The following DPYD variants were observed in gnomAD, a reference collection of about 807,000 sequenced individuals.
DPYD encodes dihydropyrimidine dehydrogenase [NADP(+)].
DPYD carries 109 observed loss-of-function variants against 116.2 expected under a neutral mutation model. The ratio of observed to expected loss-of-function variants is 0.94; its 90% confidence interval spans 0.80 to 1.10. The LOEUF is 1.10. DPYD is among the 50% of genes least tolerant of loss of function. The pLI is 0.00. For missense variants in DPYD, 1,302 were observed against 1,254.5 expected, an observed-to-expected ratio of 1.04 and a Z score of -0.57; for synonymous variants, 440 against 432.0, an observed-to-expected ratio of 1.02 and a Z score of -0.23.
intron 2 of DPYD, chr1:97,856,142 T>TA (rs1487952319): frequency 6.6e-6 from 1 of 152,190 alleles, no homozygotes; most frequent in Non-Finnish European, 1.5e-5. Context: ...GAGGTCATAT[T>TA]AAAAGTCTGC....
chr1:97,891,204 T>C (rs1672754997), intron 1 of DPYD, among the ~76,000 whole-genome samples: 1 of 151,904 alleles, frequency 6.6e-6, no homozygotes, highest in Non-Finnish European at 1.5e-5. Flanking sequence ...AGTTCTAAAT[T>C]GCATTTTTCC....
At chr1:97,160,306 A>G (rs923184284) in intron 20 of DPYD, among the ~76,000 whole-genome samples, 19 of 151,146 alleles carry the variant, frequency 1.3e-4, no homozygotes, top group Non-Finnish European at 2.4e-4. Flanking sequence ...TTTCAGTAGA[A>G]TGGGAAGCTA....
intron 12 of DPYD, among the ~76,000 whole-genome samples, chr1:97,537,761 G>T (rs1266477959): frequency 1.3e-5 from 2 of 152,178 alleles, no homozygotes; most frequent in African/African-American, 4.8e-5. Flanking sequence ...TGAAATTAAT[G>T]TCATGATTAA....
chr1:97,134,012 AAAATATAT>A (rs1298230991), intron 20 of DPYD, among the ~76,000 whole-genome samples: 15 of 48,802 alleles, frequency 3.1e-4, no homozygotes, highest in Non-Finnish European at 3.5e-4. Flanking sequence ...AAAAAAAAAA[AAAATATAT>A]ATATATATAT....
intron 12 of DPYD, chr1:97,546,601 C>T: frequency 6.2e-7 from 1 of 1,610,824 alleles, no homozygotes; most frequent in African/African-American, 1.3e-5. Flanking sequence ...TGTGTATAGC[C>T]TTTACTTTCC....
At chr1:97,721,202 T>C (rs375239866) in intron 5 of DPYD, among the ~76,000 whole-genome samples, 1 of 151,756 alleles carries the variant, frequency 6.6e-6, no homozygotes, top group South Asian at 2.1e-4. Flanking sequence ...TAAGAGGGTC[T>C]CCTTGCCATA....
intron 20 of DPYD, among the ~76,000 whole-genome samples, chr1:97,191,656 A>G (rs899715141): frequency 6.6e-6 from 1 of 152,178 alleles, no homozygotes; most frequent in East Asian, 1.9e-4. Flanking sequence ...AAGACAAAAC[A>G]TGACAGTGCA....
In DPYD at chr1:97,515,960, T is replaced by C. The variant is rs758883884; in HGVS notation, c.1525-19A>G. On this transcript the variant is annotated intron_variant, in intron 12 of 22. Transcript: ENST00000370192. ...ATTGTGACTGCAAAATACAAACCAA[T>C]ACTTGGTTTCATATTACATCTAAAT... 1 of 1,598,610 alleles carries C rather than the reference T, an allele frequency of 6.3e-7. No individual in the cohort carries two copies. Among genetic ancestry groups the C allele is most frequent in the Non-Finnish European group, 8.6e-7 (1 of 1,166,908 alleles).
At chr1:97,182,343 T>C (rs1395424132) in intron 20 of DPYD, among the ~76,000 whole-genome samples, 1 of 152,152 alleles carries the variant, frequency 6.6e-6, no homozygotes, top group Non-Finnish European at 1.5e-5. Flanking sequence ...CTTCATAACA[T>C]TTATGCAGTA....
intron 14 of DPYD, among the ~76,000 whole-genome samples, chr1:97,402,148 T>C (rs1673411452): frequency 6.6e-6 from 1 of 152,130 alleles, no homozygotes; most frequent in Non-Finnish European, 1.5e-5. Context: ...AGTTTGTTAA[T>C]GCCCACAACA....
intron 1 of DPYD, among the ~76,000 whole-genome samples, chr1:97,903,734 C>T (rs1213442967): frequency 6.6e-6 from 1 of 151,778 alleles, no homozygotes; most frequent in East Asian, 1.9e-4. Flanking sequence ...ACTAAGAAAT[C>T]CAAATATCTA....
rs181269336 is a variant in DPYD at position 97,771,970 on chromosome 1, A to C, written c.234-31491T>G. ...TTCTTAATAAAAGGAAAAGGCTATAAAATTTAGTAAGTAGAAAAATAAGTA... is the reference window on the plus strand; with the variant it reads ...TTCTTAATAAAAGGAAAAGGCTATACAATTTAGTAAGTAGAAAAATAAGTA... On this transcript the variant is annotated intron_variant, in intron 3 of 22. Coordinates refer to ENST00000370192, the MANE Select transcript of DPYD (RefSeq NM_000110.4). 1.3e-4 allele frequency among the ~76,000 whole-genome samples: 20 copies of C among 152,274 alleles called. No individual in the cohort carries two copies. In the East Asian group the frequency reaches 2.9e-3, roughly 22 times the overall value.
intron 8 of DPYD, among the ~76,000 whole-genome samples, chr1:97,637,511 C>T (rs952615287): frequency 7.3e-5 from 11 of 151,610 alleles, no homozygotes; most frequent in African/African-American, 2.4e-4. Context: ...CCCCCCTCAA[C>T]AACACAAAAT....
intron 2 of DPYD, among the ~76,000 whole-genome samples, chr1:97,837,982 C>T (rs1367649917): frequency 2.0e-5 from 3 of 151,942 alleles, no homozygotes; most frequent in African/African-American, 7.2e-5. Flanking sequence ...TTCTATATTT[C>T]TTATTAAGTA....
At chr1:97,619,808 T>C (rs1379677043) in intron 8 of DPYD, among the ~76,000 whole-genome samples, 1 of 152,156 alleles carries the variant, frequency 6.6e-6, no homozygotes, top group Non-Finnish European at 1.5e-5. Context: ...ATGAAAACAT[T>C]ATTTTCTGGG....
chr1:97,716,957 T>C (rs1662650352), intron 5 of DPYD, among the ~76,000 whole-genome samples: 1 of 152,020 alleles, frequency 6.6e-6, no homozygotes, highest in Admixed American at 6.6e-5. Context: ...TATTAATACA[T>C]ATTAGTGTCA....
At chr1:97,431,523 A>G (rs1301518727) in intron 14 of DPYD, among the ~76,000 whole-genome samples, 1 of 151,912 alleles carries the variant, frequency 6.6e-6, no homozygotes, top group Admixed American at 6.6e-5. Context: ...ACTGTGGCAT[A>G]TTTTTTCTCT....
intron 19 of DPYD, among the ~76,000 whole-genome samples, chr1:97,224,987 AACTATCTGTCTGTCTG>A (rs1243513919): frequency 5.4e-5 from 8 of 149,032 alleles, no homozygotes; most frequent in African/African-American, 2.0e-4. Flanking sequence ...AGATCTATCT[AACTATCTGTCTGTCTG>A]TCTATCTATC....
intron 3 of DPYD, among the ~76,000 whole-genome samples, chr1:97,754,355 T>C (rs930037091): frequency 6.6e-6 from 1 of 152,066 alleles, no homozygotes; most frequent in African/African-American, 2.4e-5. Context: ...TGATTTAAAC[T>C]AGAAAAACAG....
Sources: allele counts gnomAD v4.1 joint callset (sites outside exome capture counted in the v4.1 genomes callset), GRCh38; gene constraint gnomAD v4.1.1; transcripts MANE v1.5; gene names NCBI Gene and HGNC (gene_info 2026-07-23, HGNC 2026-07-21).